Variants in MCF2L observed in about 807,000 individuals in gnomAD.
MCF2L encodes MCF.2 cell line derived transforming sequence like, also known as guanine nucleotide exchange factor DBS.
MCF2L carries 97 observed loss-of-function variants against 153.4 expected under a neutral mutation model. That is an observed-to-expected ratio of 0.63 (90% CI 0.54 to 0.75). The LOEUF is 0.75. Among genes scored for constraint, MCF2L ranks in the 30% least tolerant of loss-of-function variants. The pLI is 0.00. For synonymous variants in MCF2L, 659 were observed against 632.2 expected, an observed-to-expected ratio of 1.04 and a Z score of -0.64; for missense variants, 1,347 against 1,495.2, an observed-to-expected ratio of 0.90 and a Z score of 1.64.
rs562345260 is a variant in MCF2L, at chr13:112,982,218, A to G, written c.79+12760A>G. ...AGAGAAGCCCCACGTACTCCTAGTA[A>G]TGGAGGCCGTGCCCACCTCGTGAAG... On this transcript the variant is annotated intron_variant, in intron 1 of 29. Coordinates refer to ENST00000535094, the MANE Select transcript of MCF2L (RefSeq NM_001112732.3). Among the ~76,000 whole-genome samples the G allele has an allele frequency of 2.0e-5, 3 of 152,310 alleles. No individual in the cohort carries two copies. In the East Asian group the frequency reaches 5.8e-4, roughly 29 times the overall value.
Position 113,082,432 on chromosome 13 carries a change from C to T in MCF2L, c.1881C>T (p.Tyr627=), listed in dbSNP as rs368629853. Residue 627 remains tyrosine (Y), a synonymous_variant, in exon 17 of 30, where the codon TAC becomes TAT. Coordinates refer to ENST00000535094, the MANE Select transcript of MCF2L (RefSeq NM_001112732.3). ...CCTCTGCGCTCTCCCTGCAGGGCTA[C>T]GCCGCGGAGATGGATAACCCACTGA... ...VEELLCVLEG[Y]AAEMDNPLMA... The T allele has an allele frequency of 3.4e-5, 55 of 1,610,192 alleles. No individual in the cohort carries two copies. In the South Asian group the frequency reaches 4.0e-4, roughly 12 times the overall value.
At chr13:112,980,846 T>C (rs894021443) in intron 1 of MCF2L, among the ~76,000 whole-genome samples, 1 of 152,204 alleles carries the variant, frequency 6.6e-6, no homozygotes, top group South Asian at 2.1e-4. Flanking sequence ...GGGCTGTGCG[T>C]GAATCCCGCA....
intron 1 of MCF2L, among the ~76,000 whole-genome samples, chr13:112,980,817 G>A (rs3011548): frequency 0.66 from 100,902 of 152,140 alleles, 33,756 homozygotes; most frequent in Non-Finnish European, 0.71. Flanking sequence ...CCACAGCACC[G>A]TGTGAGGGAG....
intron 13 of MCF2L, 57 bp downstream of exon 13, chr13:113,077,268 C>A (rs1045254795): frequency 6.9e-7 from 1 of 1,447,264 alleles, no homozygotes; most frequent in Non-Finnish European, 9.1e-7. Flanking sequence ...GAGCCCCGGG[C>A]GTTGAGAGCT....
chr13:113,014,699 T>C (rs2084394976), intron 1 of MCF2L, 64 bp from the exon 2 acceptor site: 5 of 1,401,262 alleles, frequency 3.6e-6, no homozygotes, highest in Admixed American at 1.7e-5. Flanking sequence ...TGGGATCGGG[T>C]GGGCGCTTGC....
intron 2 of MCF2L, among the ~76,000 whole-genome samples, chr13:113,019,183 T>C (rs2141236774): frequency 6.6e-6 from 1 of 152,342 alleles, no homozygotes. Context: ...GATTAAGTGT[T>C]TGTGCAGCTG....
intron 7 of MCF2L, 61 bp from the exon 8 acceptor site, chr13:113,065,985 C>T: frequency 6.4e-7 from 1 of 1,565,410 alleles, no homozygotes; most frequent in Admixed American, 1.8e-5. Flanking sequence ...CGAGGCCTCA[C>T]CACCAGCCTG....
Position 112,969,548 on chromosome 13 carries a change from C to T in MCF2L, c.79+90C>T. ...GGAAATGCGTCTGATTTTTGTAAGC[C>T]GCCCTCGTGTTCCTTTCTAGCCGTG... On this transcript the variant is annotated intron_variant, in intron 1 of 29. Transcript: ENST00000535094. This position sits in a 1 kb window ranked among gnomAD's most constrained non-coding sequence, Gnocchi z 4.8. 1 of 1,528,486 alleles carries T rather than the reference C, an allele frequency of 6.5e-7. No homozygotes were observed. The highest frequency in any genetic ancestry group is 8.8e-7 in the Non-Finnish European group (1 of 1,132,168). 94.7% of individuals were successfully genotyped at this position (1,528,486 alleles called of 1,614,324 possible).
At chr13:112,955,036 C>T (rs1020746819) in intron 2 of MCF2L, among the ~76,000 whole-genome samples, 11 of 152,200 alleles carry the variant, frequency 7.2e-5, no homozygotes, top group Admixed American at 6.5e-4. Flanking sequence ...TGCATCAGAC[C>T]TCCAGAGCTC....
upstream of MCF2L, chr13:112,968,584 C>A (rs1452005002): frequency 6.5e-7 from 1 of 1,538,738 alleles, no homozygotes; most frequent in South Asian, 1.2e-5. Flanking sequence ...GCCACGGACC[C>A]ACGCATGGAC....
chr13:112,996,110 T>G (rs895948969), intron 1 of MCF2L, among the ~76,000 whole-genome samples: 1 of 152,180 alleles, frequency 6.6e-6, no homozygotes, highest in Admixed American at 6.5e-5. Context: ...TCTCCAAGGC[T>G]GGGCTAGCCC....
chr13:112,914,035 C>T lies in MCF2L; in HGVS notation c.169+11664C>T, dbSNP rs111471029. 8.3e-4 allele frequency among the ~76,000 whole-genome samples: 127 copies of T among 152,326 alleles called. 1 individual carries two copies. The highest frequency in any genetic ancestry group is 3.0e-3 in the African/African-American group (124 of 41,562). ...CGTTAGCATCCCCAGCCCCTTCTCC[C>T]CCTGTGAGCCAGCCTGGGTTCTTTT... On this transcript the variant is annotated intron_variant, in intron 2 of 29. Transcript: ENST00000375608.
upstream of MCF2L, chr13:112,965,683 G>A (rs925216584): frequency 4.6e-5 from 7 of 152,282 alleles, no homozygotes; most frequent in African/African-American, 1.7e-4. Context: ...CTCGGGGTTG[G>A]CTCTGGGAGC....
chr13:113,001,826 G>T, intron 1 of MCF2L: 1 of 1,472,786 alleles, frequency 6.8e-7, no homozygotes. Flanking sequence ...CGGCCAAGAT[G>T]GTGCTGGTGC....
intron 1 of MCF2L, among the ~76,000 whole-genome samples, chr13:113,004,722 C>A (rs2083575032): frequency 6.6e-6 from 1 of 152,228 alleles, no homozygotes. Flanking sequence ...TCCCGCAGGG[C>A]CAGTGAGTGT....
At chr13:112,901,163 A>T (rs1469624352) in intron 1 of MCF2L, among the ~76,000 whole-genome samples, 1 of 151,774 alleles carries the variant, frequency 6.6e-6, no homozygotes, top group Non-Finnish European at 1.5e-5. Flanking sequence ...TTTTTATTTT[A>T]TTTTTTTTGA....
chr13:113,066,248 A>G (rs572772765), intron 8 of MCF2L, 78 bp downstream of exon 8: 2 of 1,468,548 alleles, frequency 1.4e-6, no homozygotes, highest in Non-Finnish European at 1.8e-6. Flanking sequence ...GCTTCTGCAA[A>G]AGAAACAGGC....
At chr13:112,989,093 A>G (rs2082784740) in intron 1 of MCF2L, among the ~76,000 whole-genome samples, 1 of 90,902 alleles carries the variant, frequency 1.1e-5, no homozygotes, top group African/African-American at 4.2e-5. Flanking sequence ...TGAGCAGGGG[A>G]TGGAGCTACC....
Position 113,045,190 on chromosome 13 carries a change from C to A in MCF2L, c.279-81C>A. 3 of 1,185,844 alleles carry A rather than the reference C, an allele frequency of 2.5e-6. No homozygotes were observed. Among genetic ancestry groups the A allele is most frequent in the Non-Finnish European group, 3.8e-6 (3 of 790,482 alleles). The allele number at this position is 1,185,844 out of a possible 1,614,324, so 73.5% of individuals were successfully genotyped here. The stretch of plus-strand genomic sequence containing the variant: ...TCATGAATATGGGGGATCGCTCTCC[C>A]AAGAGGTTTTCTGAGGGATTTCGTG... On this transcript the variant is annotated intron_variant, in intron 3 of 29. Transcript: ENST00000535094. The surrounding 1 kb of genome is among the most constrained non-coding windows in gnomAD (Gnocchi z 4.2).
Sources: allele counts gnomAD v4.1 joint callset (sites outside exome capture counted in the v4.1 genomes callset), GRCh38; gene constraint gnomAD v4.1.1; non-coding constraint Gnocchi (gnomAD v3.1); transcripts MANE v1.5; gene names NCBI Gene and HGNC (gene_info 2026-07-23, HGNC 2026-07-21).